The following AAK1 variants were observed in gnomAD, a reference collection of about 807,000 sequenced individuals.
The protein encoded by AAK1 is AP2 associated kinase 1, also known as AP2-associated protein kinase 1.
AAK1 carries 37 observed loss-of-function variants against 116.0 expected under a neutral mutation model. The ratio of observed to expected loss-of-function variants is 0.32; its 90% CI spans 0.25 to 0.42. The LOEUF (loss-of-function observed/expected upper bound fraction) is 0.42, where lower values mean the gene tolerates loss of function less well. AAK1 is among the 10% of genes least tolerant of loss of function. The pLI, the probability that AAK1 is intolerant of heterozygous loss-of-function variation, is 1.00. For missense variants in AAK1, 919 were observed against 1,170.6 expected, an observed-to-expected ratio of 0.79 and a Z score of 3.14; for synonymous variants, 458 against 439.9, an observed-to-expected ratio of 1.04 and a Z score of -0.51.
intron 2 of AAK1, among the ~76,000 whole-genome samples, chr2:69,602,198 C>T (rs1267384681): frequency 1.3e-5 from 2 of 152,148 alleles, no homozygotes; most frequent in African/African-American, 4.8e-5. Context: ...AAAGACATGA[C>T]AACTAAACAC....
At chr2:69,558,589 T>C (rs1349608657) in intron 2 of AAK1, among the ~76,000 whole-genome samples, 1 of 152,208 alleles carries the variant, frequency 6.6e-6, no homozygotes, top group East Asian at 1.9e-4. Context: ...TACATTGTCA[T>C]CATTTAGCTT....
At chr2:69,571,579 A>G (rs980166422) in intron 2 of AAK1, among the ~76,000 whole-genome samples, 3 of 152,222 alleles carry the variant, frequency 2.0e-5, no homozygotes, top group African/African-American at 7.2e-5. Context: ...TATGAGCTCA[A>G]TAATATGAGT....
intron 2 of AAK1, among the ~76,000 whole-genome samples, chr2:69,642,262 T>C (rs1675766159): frequency 6.6e-6 from 1 of 152,184 alleles, no homozygotes; most frequent in Non-Finnish European, 1.5e-5. Context: ...CCTACTAGAC[T>C]GAGTTCAAAA....
At chr2:69,588,471 A>C (rs1672885028) in intron 2 of AAK1, among the ~76,000 whole-genome samples, 1 of 152,182 alleles carries the variant, frequency 6.6e-6, no homozygotes, top group African/African-American at 2.4e-5. Flanking sequence ...CCCTTAACTA[A>C]GAACTCCCTC....
In AAK1 at chr2:69,460,612, C is replaced by T. The variant is rs1674315945; in HGVS notation, c.*15257G>A. Reference sequence around the variant, plus strand: ...CAACATGAGCCTCTAAACACATACACTCTAGTCTACAAATATGAGACTTTT... The same window carrying T: ...CAACATGAGCCTCTAAACACATACATTCTAGTCTACAAATATGAGACTTTT... On this transcript the variant is annotated 3_prime_UTR_variant, in exon 22 of 22. Transcript: ENST00000409085. The T allele has an allele frequency of 6.6e-6, 1 of 152,304 alleles. No homozygotes were observed. Among genetic ancestry groups the T allele is most frequent in the East Asian group, 1.9e-4 (1 of 5,182 alleles). 9.4% of individuals were successfully genotyped at this position (152,304 alleles called of 1,614,324 possible). A position where few individuals can be genotyped will look rare whatever the true frequency, so the allele number is the denominator to read the frequency against.
chr2:69,598,038 T>C (rs1673378290), intron 2 of AAK1: 1 of 429,398 alleles, frequency 2.3e-6, no homozygotes. Flanking sequence ...ATGTTAGCAC[T>C]GTGCTTAGAG....
chr2:69,613,605 T>C (rs1674187323), intron 2 of AAK1, among the ~76,000 whole-genome samples: 1 of 152,170 alleles, frequency 6.6e-6, no homozygotes, highest in African/African-American at 2.4e-5. Flanking sequence ...AGTGATTTAA[T>C]CAATCATACC....
At chr2:69,500,698 T>TATATATATACACACAC in intron 16 of AAK1, among the ~76,000 whole-genome samples, 2 of 65,092 alleles carry the variant, frequency 3.1e-5, no homozygotes, top group African/African-American at 1.6e-4. Flanking sequence ...TATATATATA[T>TATATATATACACACAC]ACACACACAC....
At chr2:69,497,450 T>C (rs1270225456) in intron 16 of AAK1, among the ~76,000 whole-genome samples, 1 of 151,706 alleles carries the variant, frequency 6.6e-6, no homozygotes, top group African/African-American at 2.4e-5. Flanking sequence ...TACAGGCACC[T>C]ACCACCACAC....
chr2:69,478,944 C>T lies in AAK1; in HGVS notation c.2680+7G>A. On this transcript the variant is annotated splice_region_variant and intron_variant, in intron 20 of 21. Coordinates refer to ENST00000409085, the MANE Select transcript of AAK1 (RefSeq NM_014911.5). The stretch of plus-strand genomic sequence containing the variant: ...ACATGTGGGCCTGAGAAGAAGAAAG[C>T]ATTTACCTTTATGGACTGGAGCAGA... 1 of 1,600,254 alleles carries T rather than the reference C, an allele frequency of 6.2e-7. No homozygotes were observed. Among genetic ancestry groups the T allele is most frequent in the Non-Finnish European group, 8.6e-7 (1 of 1,167,534 alleles).
At chr2:69,636,686 T>C (rs934309635) in intron 2 of AAK1, among the ~76,000 whole-genome samples, 3 of 151,650 alleles carry the variant, frequency 2.0e-5, no homozygotes, top group Non-Finnish European at 2.9e-5. Flanking sequence ...CTATTTTAGA[T>C]AATTTATTTT....
chr2:69,520,264 A>C lies in AAK1; in HGVS notation c.1210+570T>G, dbSNP rs1162321360. The stretch of plus-strand genomic sequence containing the variant: ...CTGCAAAAATCAGGGCCAAGTCTAG[A>C]AAAAGCGACAAAGGGCTTTAGTGGT... On this transcript the variant is annotated intron_variant, in intron 11 of 21. Transcript: ENST00000409085. The C allele has an allele frequency of 3.2e-5, 5 of 157,850 alleles. No individual in the cohort carries two copies. In the East Asian group the frequency reaches 9.0e-4, roughly 29 times the overall value. 9.8% of individuals were successfully genotyped at this position (157,850 alleles called of 1,614,324 possible).
intron 2 of AAK1, among the ~76,000 whole-genome samples, chr2:69,612,017 G>A (rs916424445): frequency 3.3e-5 from 5 of 152,236 alleles, no homozygotes; most frequent in Non-Finnish European, 7.3e-5. Flanking sequence ...TAGGGAGTTA[G>A]TGTTTAATGG....
intron 2 of AAK1, among the ~76,000 whole-genome samples, chr2:69,571,817 C>T (rs1451402748): frequency 1.3e-5 from 2 of 152,250 alleles, no homozygotes; most frequent in East Asian, 3.9e-4. Context: ...ATGGCTTGCA[C>T]TGTTACCTTT....
chr2:69,548,526 CTT>C (rs1051951936), intron 3 of AAK1, among the ~76,000 whole-genome samples: 4 of 147,316 alleles, frequency 2.7e-5, no homozygotes, highest in Admixed American at 2.1e-4. Flanking sequence ...TTCCTTCCTT[CTT>C]TCTCTCTCTC....
In AAK1 at chr2:69,531,874, A is replaced by G. The variant is rs1670273814; in HGVS notation, c.656+167T>C. ...ATGTATGCCTGTAAACCCCCTCCTCATTCTTCACTTAAAGTCAAACAACCC... is the reference window on the plus strand; with the variant it reads ...ATGTATGCCTGTAAACCCCCTCCTCGTTCTTCACTTAAAGTCAAACAACCC... On this transcript the variant is annotated intron_variant, in intron 6 of 21. Transcript: ENST00000409085. 3.8e-6 allele frequency: 5 copies of G among 1,317,706 alleles called. No homozygotes were observed. The South Asian group carries it at 4.3e-5, about 11-fold the overall frequency. The allele number at this position is 1,317,706 out of a possible 1,614,324, so 81.6% of individuals were successfully genotyped here.
At chr2:69,505,798 G>A (rs532945768) in intron 15 of AAK1, 125 bp from the exon 16 acceptor site, 41 of 598,140 alleles carry the variant, frequency 6.9e-5, no homozygotes, top group South Asian at 5.3e-4. Context: ...GCATTATGGC[G>A]ACACATTCAA....
At chr2:69,636,173 C>T (rs1023274577) in intron 2 of AAK1, among the ~76,000 whole-genome samples, 1 of 151,702 alleles carries the variant, frequency 6.6e-6, no homozygotes, top group African/African-American at 2.4e-5. Flanking sequence ...CATCACAAAA[C>T]AAACTAGAGG....
rs753273224 is a variant in AAK1 at position 69,509,333 on chromosome 2, A to T, written c.1904T>A (p.Ile635Asn). 3 of 1,613,994 alleles carry T rather than the reference A, an allele frequency of 1.9e-6. No homozygotes were observed. Among genetic ancestry groups the T allele is most frequent in the Non-Finnish European group, 8.5e-7 (1 of 1,179,886 alleles). The change falls in exon 14 of 22, where the codon ATT (isoleucine) becomes AAT (asparagine). Residue 635 changes from isoleucine (I) to asparagine (N), a missense_variant. Ile to Asn is a moderately radical substitution (Grantham distance 149, BLOSUM62 -3). This residue lies in a region of AAK1 where 125 missense variants were observed against 184.1 expected (regional missense o/e 0.68). Transcript: ENST00000409085. ...PKTQRAGHRR[I>N]LSDVTHSAVF... Reference sequence around the variant, plus strand: ...TGCACTGTGGGTTACGTCACTGAGAATACGCCTGTGCCCAGCACGTTGGGT... The same window carrying T: ...TGCACTGTGGGTTACGTCACTGAGATTACGCCTGTGCCCAGCACGTTGGGT...
Sources: allele counts gnomAD v4.1 joint callset (sites outside exome capture counted in the v4.1 genomes callset), GRCh38; gene constraint gnomAD v4.1.1; regional missense constraint gnomAD v4.1.1; transcripts MANE v1.5; gene names NCBI Gene and HGNC (gene_info 2026-07-23, HGNC 2026-07-21).